ALKBH1: variants seen among roughly 807,000 people sequenced by gnomAD.
ALKBH1 encodes nucleic acid dioxygenase ALKBH1.
In ALKBH1, 31 loss-of-function variants were observed where a neutral mutation model predicts 36.6. The observed-to-expected ratio is 0.85, with a 90% confidence interval of 0.64 to 1.14. The LOEUF is 1.14. Ranked by LOEUF, ALKBH1 falls within the 50% of genes most tolerant of loss-of-function variation. The pLI is 0.00. For missense variants in ALKBH1, 490 were observed against 497.3 expected, an observed-to-expected ratio of 0.99 and a Z score of 0.14; for synonymous variants, 183 against 186.6, an observed-to-expected ratio of 0.98 and a Z score of 0.16.
At chr14:77,676,695 G>T (rs998678552) in intron 4 of ALKBH1, among the ~76,000 whole-genome samples, 1 of 152,122 alleles carries the variant, frequency 6.6e-6, no homozygotes, top group African/African-American at 2.4e-5. Flanking sequence ...TTAATAATAG[G>T]GGGAGAGCAC....
intron 1 of ALKBH1, among the ~76,000 whole-genome samples, chr14:77,706,096 T>C (rs10146085): frequency 3.4e-4 from 38 of 112,798 alleles, no homozygotes; most frequent in African/African-American, 1.0e-3. Flanking sequence ...CACACATATA[T>C]ACACACACAC....
chr14:77,688,617 A>G (rs1302604622), intron 3 of ALKBH1, among the ~76,000 whole-genome samples: 4 of 144,406 alleles, frequency 2.8e-5, no homozygotes, highest in Admixed American at 1.4e-4. Context: ...GAGTGGTGCG[A>G]TCTTGGCTCA....
chr14:77,697,697 T>TAAAAAAAAAAAAAAAAAAAAAAA (rs57516221), intron 2 of ALKBH1, among the ~76,000 whole-genome samples: 1 of 104,940 alleles, frequency 9.5e-6, no homozygotes, highest in Non-Finnish European at 1.9e-5. Context: ...TTTGCTGTAA[T>TAAAAAAAAAAAAAAAAAAAAAAA]AAAAAAAAAA....
chr14:77,673,523 T>G lies in ALKBH1; in HGVS notation c.*289A>C, dbSNP rs987404093. 1 of 368,992 alleles carries G rather than the reference T, an allele frequency of 2.7e-6. No individual in the cohort carries two copies. Among genetic ancestry groups the G allele is most frequent in the South Asian group, 4.4e-5 (1 of 22,550 alleles). 22.9% of individuals were successfully genotyped at this position (368,992 alleles called of 1,614,324 possible). On this transcript the variant is annotated 3_prime_UTR_variant, in exon 6 of 6. Transcript: ENST00000216489. The stretch of plus-strand genomic sequence containing the variant: ...TCACTTCTACCTTCCTCAAAGGAAA[T>G]AGCAGAGGCTGAGAAGGCTGTTGTG...
At chr14:77,675,513 T>G (rs1483340567) in intron 5 of ALKBH1, 143 bp downstream of exon 5, 3 of 580,360 alleles carry the variant, frequency 5.2e-6, no homozygotes, top group Non-Finnish European at 8.6e-6. Flanking sequence ...TAACTATAAT[T>G]TATTAAAATT....
At chr14:77,696,950 C>A in intron 2 of ALKBH1, 1 of 153,910 alleles carries the variant, frequency 6.5e-6, no homozygotes, top group Non-Finnish European at 1.5e-5. Flanking sequence ...AGGCATGACC[C>A]CTGGGTTCCA....
intron 2 of ALKBH1, among the ~76,000 whole-genome samples, chr14:77,700,912 A>AC (rs1418517357): frequency 6.6e-6 from 1 of 151,944 alleles, no homozygotes; most frequent in Non-Finnish European, 1.5e-5. Flanking sequence ...ACATAGTGGG[A>AC]CCCCATCTCT....
intron 2 of ALKBH1, among the ~76,000 whole-genome samples, chr14:77,701,366 T>C (rs1365136397): frequency 6.6e-6 from 1 of 152,170 alleles, no homozygotes; most frequent in Non-Finnish European, 1.5e-5. Flanking sequence ...ATTTAAAAAC[T>C]TGCCCAAAGT....
At chr14:77,692,758 TTA>T (rs1366813803) in intron 3 of ALKBH1, among the ~76,000 whole-genome samples, 1 of 152,104 alleles carries the variant, frequency 6.6e-6, no homozygotes, top group Non-Finnish European at 1.5e-5. Context: ...ACCATTCCCA[TTA>T]TATCTTATAA....
chr14:77,696,117 T>C (rs2080325453), intron 2 of ALKBH1, among the ~76,000 whole-genome samples: 1 of 152,066 alleles, frequency 6.6e-6, no homozygotes, highest in Non-Finnish European at 1.5e-5. Flanking sequence ...ATAATAATAT[T>C]TAACTGGAAT....
At chr14:77,697,527 A>G (rs1212579157) in intron 2 of ALKBH1, 4 of 152,404 alleles carry the variant, frequency 2.6e-5, no homozygotes, top group East Asian at 1.9e-4. Context: ...GGAAGTGTGT[A>G]TGAAGATAGC....
rs2080318055 is a variant in ALKBH1, at chr14:77,694,803, G to A, written c.390C>T (p.Asn130=). 6.2e-7 allele frequency: 1 copy of A among 1,608,302 alleles called. No homozygotes were observed. The highest frequency in any genetic ancestry group is 1.3e-5 in the African/African-American group (1 of 74,776). ...CTTCTTTAGACATGTGTTTGTCCAGGTTACATACATTAGGTTTCTGGGAAT... is the reference window on the plus strand; with the variant it reads ...CTTCTTTAGACATGTGTTTGTCCAGATTACATACATTAGGTTTCTGGGAAT... ...KLYSQKPNVC[N]LDKHMSKEET... Residue 130 remains asparagine, a synonymous_variant, in exon 3 of 6, where the codon AAC becomes AAT. Coordinates refer to ENST00000216489, the MANE Select transcript of ALKBH1 (RefSeq NM_006020.3).
chr14:77,678,717 G>A lies in ALKBH1; in HGVS notation c.546+1163C>T, dbSNP rs138596359. 1.4e-3 allele frequency among the ~76,000 whole-genome samples: 219 copies of A among 152,274 alleles called. 6 individuals are homozygous for A. The East Asian group carries it at 0.04, about 28-fold the overall frequency. ...GTTACAAGGCATCTTCTAAAGCATA[G>A]AGGATAGGAAAGAAGAAATCGTAGC... is the stretch of plus-strand genomic sequence containing the variant. On this transcript the variant is annotated intron_variant, in intron 4 of 5. Transcript: ENST00000216489.
At chr14:77,695,515 C>T (rs111897979) in intron 2 of ALKBH1, among the ~76,000 whole-genome samples, 2 of 152,302 alleles carry the variant, frequency 1.3e-5, no homozygotes, top group South Asian at 2.1e-4. Flanking sequence ...TTCCACATCA[C>T]TAGAATCAGC....
At chr14:77,703,323 T>C (rs1166783407) in intron 2 of ALKBH1, among the ~76,000 whole-genome samples, 2 of 150,862 alleles carry the variant, frequency 1.3e-5, no homozygotes, top group Non-Finnish European at 3.0e-5. Context: ...AGATGGAGTC[T>C]TGCTCTATTG....
chr14:77,699,318 G>A (rs2080345833), intron 2 of ALKBH1, among the ~76,000 whole-genome samples: 1 of 152,136 alleles, frequency 6.6e-6, no homozygotes, highest in East Asian at 1.9e-4. Context: ...AAACAACTTT[G>A]TTATTACTTA....
Position 77,675,666 on chromosome 14 carries a change from G to C in ALKBH1, c.730C>G (p.Leu244Val), listed in dbSNP as rs367711207. The change falls in exon 5 of 6, where the codon CTG becomes GTG. Residue 244 changes from leucine to valine, a missense_variant. By Grantham distance (32) the Leu-to-Val change is conservative. Coordinates refer to ENST00000216489, the MANE Select transcript of ALKBH1 (RefSeq NM_006020.3). ...CTGGAACTAACTCACCTGAATGACA[G>C]CAAGGGTTTGGAGTGATCTAGCTCA... ...RSELDHSKPL[L>V]SFSFGQSAIF... 1.2e-6 allele frequency: 2 copies of C among 1,606,648 alleles called. No individual in the cohort carries two copies. The highest frequency in any genetic ancestry group is 1.7e-6 in the Non-Finnish European group (2 of 1,174,428).
At chr14:77,692,434 A>G (rs1349700817) in intron 3 of ALKBH1, among the ~76,000 whole-genome samples, 1 of 152,220 alleles carries the variant, frequency 6.6e-6, no homozygotes. Flanking sequence ...GTTCCATCTC[A>G]GATGAACAGG....
intron 3 of ALKBH1, among the ~76,000 whole-genome samples, chr14:77,693,200 C>T (rs1341739634): frequency 7.3e-6 from 1 of 137,578 alleles, no homozygotes; most frequent in Non-Finnish European, 1.6e-5. Context: ...GAGCGAAACT[C>T]CGTCTCAAAA....
Sources: gnomAD v4.1 joint callset for allele counts (sites outside exome capture counted in the v4.1 genomes callset) on GRCh38, gnomAD v4.1.1 for gene constraint, MANE v1.5 for transcripts, NCBI Gene and HGNC (gene_info 2026-07-23, HGNC 2026-07-21) for gene names.